EPB41L1: variants seen among roughly 807,000 people sequenced by gnomAD.
The protein encoded by EPB41L1 is erythrocyte membrane protein band 4.1 like 1.
A neutral mutation model predicts 97.8 loss-of-function variants in EPB41L1; 29 were observed. The ratio of observed to expected loss-of-function variants is 0.30; its 90% CI spans 0.22 to 0.40. EPB41L1 has a LOEUF of 0.40. EPB41L1 is among the 10% of genes least tolerant of loss of function. The probability of loss-of-function intolerance (pLI) is 1.00; values close to 1 mark genes in which losing one functional copy is unlikely to be tolerated. For synonymous variants in EPB41L1, 383 were observed against 459.2 expected (o/e 0.83, Z 2.12); for missense variants, 812 against 1,162.3 (o/e 0.70, Z 4.38).
upstream of EPB41L1, among the ~76,000 whole-genome samples, chr20:36,150,184 C>T (rs2059994779): frequency 6.6e-6 from 1 of 151,886 alleles, no homozygotes; most frequent in Admixed American, 6.6e-5. Flanking sequence ...TATTCTCCTG[C>T]CTCAGCCTCT....
At chr20:36,198,995 G>A (rs192222406) in intron 14 of EPB41L1, among the ~76,000 whole-genome samples, 6 of 152,148 alleles carry the variant, frequency 3.9e-5, no homozygotes, top group African/African-American at 7.2e-5. Context: ...ACCTTGATGC[G>A]CAGTGTGAGT....
At chr20:36,177,503 A>T (rs2145988747) in intron 3 of EPB41L1, among the ~76,000 whole-genome samples, 1 of 151,970 alleles carries the variant, frequency 6.6e-6, no homozygotes, top group Admixed American at 6.5e-5. Context: ...TCACACTGTG[A>T]CCCTGAGCCC....
In EPB41L1 at chr20:36,207,545, C is replaced by G; in HGVS notation, c.1669-1943C>G. On this transcript the variant is annotated intron_variant, in intron 14 of 21. Transcript: ENST00000338074. This position sits in a 1 kb window ranked among gnomAD's most constrained non-coding sequence, Gnocchi z 4.9. ...CCAAATGACGTATCTTCAGAGGCAC[C>G]CGTGGGACAAGCAGAGCAGCAGCGG... 7.8e-7 allele frequency: 1 copy of G among 1,289,878 alleles called. No homozygotes were observed. The highest frequency in any genetic ancestry group is 1.0e-6 in the Non-Finnish European group (1 of 988,872). 79.9% of individuals were successfully genotyped at this position (1,289,878 alleles called of 1,614,324 possible).
At chr20:36,216,057 C>T (rs2063423713) in intron 17 of EPB41L1, among the ~76,000 whole-genome samples, 1 of 152,122 alleles carries the variant, frequency 6.6e-6, no homozygotes, top group Non-Finnish European at 1.5e-5. Flanking sequence ...TGTGCAAAGC[C>T]CTGAGAACAG....
chr20:36,102,411 G>A (rs1280104197), intron 1 of EPB41L1, among the ~76,000 whole-genome samples: 3 of 152,180 alleles, frequency 2.0e-5, no homozygotes, highest in Admixed American at 2.0e-4. Context: ...GGTCACCAGG[G>A]AGCCAATGGC....
chr20:36,227,465 T>C (rs2064235656), intron 21 of EPB41L1, among the ~76,000 whole-genome samples: 1 of 152,248 alleles, frequency 6.6e-6, no homozygotes, highest in Non-Finnish European at 1.5e-5. Flanking sequence ...ATGTATACAT[T>C]GGAGTTGCTG....
intron 1 of EPB41L1, among the ~76,000 whole-genome samples, chr20:36,162,799 T>G (rs1378926152): frequency 6.6e-6 from 1 of 152,216 alleles, no homozygotes; most frequent in African/African-American, 2.4e-5. Context: ...TGGTGGCCTT[T>G]TCACATTGTT....
chr20:36,158,973 G>T (rs922546132), intron 1 of EPB41L1, among the ~76,000 whole-genome samples: 6 of 152,168 alleles, frequency 3.9e-5, no homozygotes, highest in Admixed American at 3.3e-4. Flanking sequence ...TTTGGCAACC[G>T]TATGATCCAC....
intron 1 of EPB41L1, among the ~76,000 whole-genome samples, chr20:36,100,669 A>G (rs1038740931): frequency 6.6e-6 from 1 of 152,178 alleles, no homozygotes; most frequent in Non-Finnish European, 1.5e-5. Context: ...TGGGATTTCA[A>G]TCTAGATCTG....
intron 2 of EPB41L1, among the ~76,000 whole-genome samples, chr20:36,135,896 GT>G (rs1268919011): frequency 6.6e-6 from 1 of 152,140 alleles, no homozygotes; most frequent in Non-Finnish European, 1.5e-5. Context: ...AGAATTGAGG[GT>G]AGCAGGTAGG....
chr20:36,175,136 T>G (rs1160686585), intron 2 of EPB41L1, among the ~76,000 whole-genome samples: 1 of 152,128 alleles, frequency 6.6e-6, no homozygotes, highest in Non-Finnish European at 1.5e-5. Flanking sequence ...CTTTCTCCTC[T>G]CCTTTAACTC....
In EPB41L1 at chr20:36,206,603, T is replaced by G. The variant is rs774643403; in HGVS notation, c.1669-2885T>G. On this transcript the variant is annotated intron_variant, in intron 14 of 21. Coordinates refer to ENST00000338074, the MANE Select transcript of EPB41L1 (RefSeq NM_012156.2). This position sits in a 1 kb window ranked among gnomAD's most constrained non-coding sequence, Gnocchi z 5.5. ...ACGCTGAATTCCTTAGACCTGAGGGTTTCTGCTGCTGCTTCCAGCAGGAGC... is the reference window on the plus strand; with the variant it reads ...ACGCTGAATTCCTTAGACCTGAGGGGTTCTGCTGCTGCTTCCAGCAGGAGC... 7.8e-7 allele frequency: 1 copy of G among 1,289,352 alleles called. No individual in the cohort carries two copies. Among genetic ancestry groups the G allele is most frequent in the African/African-American group, 1.5e-5 (1 of 65,720 alleles). The allele number at this position is 1,289,352 out of a possible 1,614,324, so 79.9% of individuals were successfully genotyped here.
At chr20:36,102,850 T>C (rs1417082708) in intron 1 of EPB41L1, among the ~76,000 whole-genome samples, 1 of 152,166 alleles carries the variant, frequency 6.6e-6, no homozygotes, top group Non-Finnish European at 1.5e-5. Context: ...AAGCTCAAGG[T>C]GACCTCTGTT....
intron 1 of EPB41L1, among the ~76,000 whole-genome samples, chr20:36,104,348 G>A (rs1159010931): frequency 3.3e-5 from 5 of 152,186 alleles, no homozygotes; most frequent in South Asian, 2.1e-4. Flanking sequence ...GGAAGGAGGC[G>A]GGAAAGAGCA....
chr20:36,155,626 A>G (rs775579884), intron 1 of EPB41L1: 42 of 456,454 alleles, frequency 9.2e-5, no homozygotes, highest in Non-Finnish European at 1.7e-4. Context: ...TGGCAGACGT[A>G]TATGGCTCAA....
At chr20:36,188,623 CACACACACACACACACACAGAG>C (rs1487236431) in intron 9 of EPB41L1, 124 bp downstream of exon 9, 106 of 683,050 alleles carry the variant, frequency 1.6e-4, no homozygotes, top group African/African-American at 1.2e-3. Context: ...CACACACACA[CACACACACACACACACACAGAG>C]AGAGAGAGAG....
Position 36,209,482 on chromosome 20 carries a change from C to T in EPB41L1, c.1669-6C>T. 1 of 1,613,528 alleles carries T rather than the reference C, an allele frequency of 6.2e-7. No homozygotes were observed. Among genetic ancestry groups the T allele is most frequent in the South Asian group, 1.1e-5 (1 of 91,010 alleles). ...TCCCCATTCTTTTGATTTTATCTGG[C>T]CATAGAGAGCAGGGCTGAGGGAGGG... is the stretch of plus-strand genomic sequence containing the variant. On this transcript the variant is annotated splice_region_variant and splice_polypyrimidine_tract_variant and intron_variant, in intron 14 of 21. Transcript: ENST00000338074. The surrounding 1 kb of genome is among the most constrained non-coding windows in gnomAD (Gnocchi z 4.2).
At chr20:36,131,392 G>A (rs1044056696) in intron 2 of EPB41L1, among the ~76,000 whole-genome samples, 9 of 151,748 alleles carry the variant, frequency 5.9e-5, no homozygotes, top group Non-Finnish European at 1.5e-5. Context: ...TTACAGGTGT[G>A]AGCCACCACA....
Position 36,093,349 on chromosome 20 carries a change from G to A in EPB41L1, c.-65+1737G>A, listed in dbSNP as rs1349962367. Among the ~76,000 whole-genome samples, 1 of 150,836 alleles carries A rather than the reference G, an allele frequency of 6.6e-6. No homozygotes were observed. The highest frequency in any genetic ancestry group is 1.5e-5 in the Non-Finnish European group (1 of 67,606). On this transcript the variant is annotated intron_variant, in intron 1 of 19. Transcript: ENST00000202028. The surrounding 1 kb of genome is among the most constrained non-coding windows in gnomAD (Gnocchi z 5.4). The stretch of plus-strand genomic sequence containing the variant: ...TGTGTGTGTGCGCGCGCGTCGCTGT[G>A]TGCGCGCCAGTGTAACTCCCGTGTG...
Sources: allele counts gnomAD v4.1 joint callset (sites outside exome capture counted in the v4.1 genomes callset), GRCh38; gene constraint gnomAD v4.1.1; non-coding constraint Gnocchi (gnomAD v3.1); transcripts MANE v1.5; gene names NCBI Gene and HGNC (gene_info 2026-07-23, HGNC 2026-07-21).